The following EYS variants were observed in gnomAD, a reference collection of about 807,000 sequenced individuals.
EYS encodes protein eyes shut homolog.
A neutral mutation model predicts 282.1 loss-of-function variants in EYS; 250 were observed. That is an observed-to-expected ratio of 0.89 (90% CI 0.80 to 0.98). EYS has a LOEUF of 0.98. Among genes scored for constraint, EYS ranks in the 50% least tolerant of loss-of-function variants. The pLI, the probability that EYS is intolerant of heterozygous loss-of-function variation, is 0.00. For missense variants in EYS, 4,016 were observed against 3,709.0 expected (o/e 1.08, Z -2.15); for synonymous variants, 1,355 against 1,282.9 (o/e 1.06, Z -1.20).
Position 64,717,421 on chromosome 6 carries a change from A to T in EYS, c.3444-91176T>A, listed in dbSNP as rs114490924. ...GGTTATCATAAGGAGCTTGCAGCTT[A>T]GGTCCCTCACACACACAGTTCACAA... is the stretch of plus-strand genomic sequence containing the variant. On this transcript the variant is annotated intron_variant, in intron 22 of 42. Transcript: ENST00000503581. Among the ~76,000 whole-genome samples the T allele has an allele frequency of 8.7e-4, 133 of 152,352 alleles. 1 individual carries two copies. Among genetic ancestry groups the T allele is most frequent in the African/African-American group, 3.0e-3 (126 of 41,582 alleles).
chr6:64,129,840 T>C (rs1263760556), intron 31 of EYS, among the ~76,000 whole-genome samples: 1 of 152,232 alleles, frequency 6.6e-6, no homozygotes, highest in African/African-American at 2.4e-5. Flanking sequence ...GTTTCAGCTT[T>C]CTACATATGG....
At chr6:64,156,448 T>G (rs13220232) in intron 31 of EYS, among the ~76,000 whole-genome samples, 86 of 152,082 alleles carry the variant, frequency 5.7e-4, no homozygotes, top group Non-Finnish European at 1.0e-3. Context: ...ATACAGTAAA[T>G]TGGTACTAGA....
intron 16 of EYS, among the ~76,000 whole-genome samples, chr6:64,907,130 G>A (rs1038170188): frequency 6.6e-6 from 1 of 152,120 alleles, no homozygotes; most frequent in African/African-American, 2.4e-5. Context: ...ATAGCTCACT[G>A]TAACCTTAAA....
At chr6:64,222,347 A>G (rs977186203) in intron 31 of EYS, among the ~76,000 whole-genome samples, 5 of 152,100 alleles carry the variant, frequency 3.3e-5, no homozygotes, top group Admixed American at 3.3e-4. Context: ...ACAATGTCTG[A>G]AAATGAATTT....
At chr6:63,974,866 A>G (rs189946614) in intron 35 of EYS, among the ~76,000 whole-genome samples, 137 of 152,172 alleles carry the variant, frequency 9.0e-4, no homozygotes, top group Non-Finnish European at 1.7e-3. Flanking sequence ...TTGTTGCTAC[A>G]CTCAAGGATG....
At chr6:64,944,417 A>C (rs1769203425) in intron 15 of EYS, among the ~76,000 whole-genome samples, 1 of 152,164 alleles carries the variant, frequency 6.6e-6, no homozygotes, top group African/African-American at 2.4e-5. Flanking sequence ...CTATCAACAG[A>C]GTAAACAGAC....
chr6:64,008,847 G>T (rs1768471990), intron 33 of EYS, among the ~76,000 whole-genome samples: 1 of 152,158 alleles, frequency 6.6e-6, no homozygotes. Context: ...TTAGCCTGAT[G>T]GGGTTCCCTT....
chr6:64,549,199 A>G (rs1764983260), intron 26 of EYS, among the ~76,000 whole-genome samples: 1 of 152,162 alleles, frequency 6.6e-6, no homozygotes, highest in Non-Finnish European at 1.5e-5. Flanking sequence ...TCACACACAG[A>G]TACTCATCCA....
intron 12 of EYS, among the ~76,000 whole-genome samples, chr6:65,294,109 T>C (rs1008497787): frequency 6.6e-6 from 1 of 151,232 alleles, no homozygotes; most frequent in African/African-American, 2.4e-5. Flanking sequence ...ATGGGAAGAA[T>C]TCAAGATGAA....
chr6:64,203,050 T>C (rs1373021778), intron 31 of EYS, among the ~76,000 whole-genome samples: 2 of 152,144 alleles, frequency 1.3e-5, no homozygotes, highest in African/African-American at 2.4e-5. Context: ...ACCTGAGAGA[T>C]ATAAGGTGGC....
At chr6:65,463,231 A>T (rs1764882184) in intron 5 of EYS, among the ~76,000 whole-genome samples, 1 of 151,906 alleles carries the variant, frequency 6.6e-6, no homozygotes, top group African/African-American at 2.4e-5. Context: ...CACTCTTTAA[A>T]TTGCACCCCT....
chr6:65,132,964 T>C (rs765158271), intron 12 of EYS, among the ~76,000 whole-genome samples: 1 of 151,826 alleles, frequency 6.6e-6, no homozygotes, highest in South Asian at 2.1e-4. Flanking sequence ...TCATTCACAA[T>C]TGCAACAAAA....
rs777582301 is a variant in EYS at position 63,721,585 on chromosome 6, C to G, written c.8446G>C (p.Asp2816His). 4.5e-6 allele frequency: 7 copies of G among 1,551,500 alleles called. No individual in the cohort carries two copies. The South Asian group carries it at 7.1e-5, about 16-fold the overall frequency. The stretch of plus-strand genomic sequence containing the variant: ...CCAATATAGAAGTCTGTATTTGTGT[C>G]CAGAGAACTCATTTTAGTGGAGGCC... ...EKASTKMSSL[D>H]TNTDFYIGGV... The change falls in exon 43 of 43, where the codon GAC becomes CAC. Residue 2816 changes from aspartate (D) to histidine (H), a missense_variant. Asp to His is a moderately conservative substitution (Grantham distance 81). Transcript: ENST00000503581.
rs564022368 is a variant in EYS at position 63,827,566 on chromosome 6, C to T, written c.7229-21194G>A. Among the ~76,000 whole-genome samples, 32 of 152,206 alleles carry T rather than the reference C, an allele frequency of 2.1e-4. No individual in the cohort carries two copies. The South Asian group carries it at 2.7e-3, about 13-fold the overall frequency. ...TTCAGAAAATTGAAATTACATCGGC[C>T]GGGCGCGGTGGCTCACGCCTGTAAT... On this transcript the variant is annotated intron_variant, in intron 36 of 42. Coordinates refer to ENST00000503581, the MANE Select transcript of EYS (RefSeq NM_001142800.2).
chr6:64,249,218 T>C (rs1313792781), intron 30 of EYS, among the ~76,000 whole-genome samples: 1 of 152,120 alleles, frequency 6.6e-6, no homozygotes, highest in Admixed American at 6.6e-5. Context: ...AATAAAATCA[T>C]GTCTTTTGCA....
chr6:65,520,818 C>T (rs1767337602), intron 2 of EYS, among the ~76,000 whole-genome samples: 1 of 151,958 alleles, frequency 6.6e-6, no homozygotes, highest in Non-Finnish European at 1.5e-5. Flanking sequence ...TTTTTATTAA[C>T]AACATAAATC....
chr6:63,838,079 T>C (rs1771853980), intron 36 of EYS, among the ~76,000 whole-genome samples: 1 of 152,204 alleles, frequency 6.6e-6, no homozygotes, highest in African/African-American at 2.4e-5. Context: ...TAGGAAGTGG[T>C]TCATCATATC....
intron 12 of EYS, among the ~76,000 whole-genome samples, chr6:65,061,999 C>G (rs1773588771): frequency 6.6e-6 from 1 of 151,930 alleles, no homozygotes; most frequent in Non-Finnish European, 1.5e-5. Flanking sequence ...TGGATGTCAC[C>G]TTTATTTTTG....
At chr6:64,560,418 G>C (rs1358651174) in intron 26 of EYS, among the ~76,000 whole-genome samples, 4 of 151,902 alleles carry the variant, frequency 2.6e-5, no homozygotes, top group Admixed American at 6.6e-5. Context: ...TAAGTTAGGT[G>C]TTTTTCTTAA....
Sources: allele counts gnomAD v4.1 joint callset (sites outside exome capture counted in the v4.1 genomes callset), GRCh38; gene constraint gnomAD v4.1.1; transcripts MANE v1.5; gene names NCBI Gene and HGNC (gene_info 2026-07-23, HGNC 2026-07-21).